Variants in CTNND2 observed in about 807,000 individuals in gnomAD.
The protein encoded by CTNND2 is catenin delta-2.
CTNND2 carries 22 observed loss-of-function variants against 144.4 expected under a neutral mutation model. The ratio of observed to expected loss-of-function variants is 0.15; its 90% confidence interval spans 0.11 to 0.22. The LOEUF is 0.22. Ranked by LOEUF, CTNND2 falls within the 10% of genes least tolerant of loss-of-function variation. The probability of loss-of-function intolerance (pLI) is 1.00; values close to 1 mark genes in which losing one functional copy is unlikely to be tolerated. For missense variants in CTNND2, 1,353 were observed against 1,618.8 expected (o/e 0.84, Z 2.82); for synonymous variants, 751 against 695.6 (o/e 1.08, Z -1.25).
chr5:11,600,102 C>T (rs1779705408), intron 2 of CTNND2, among the ~76,000 whole-genome samples: 1 of 152,164 alleles, frequency 6.6e-6, no homozygotes, highest in Non-Finnish European at 1.5e-5. Flanking sequence ...TTCCATTCCT[C>T]CATCTACCAT....
intron 3 of CTNND2, among the ~76,000 whole-genome samples, chr5:11,556,111 C>T (rs1776210910): frequency 6.6e-6 from 1 of 152,004 alleles, no homozygotes; most frequent in Non-Finnish European, 1.5e-5. Context: ...AACAATTACT[C>T]CCTAACTTTG....
At chr5:11,479,188 C>T (rs774399821) in intron 3 of CTNND2, among the ~76,000 whole-genome samples, 17 of 152,122 alleles carry the variant, frequency 1.1e-4, no homozygotes, top group Non-Finnish European at 2.4e-4. Context: ...CTGTTTTTTC[C>T]CCTCTTCGTG....
chr5:11,305,857 T>C (rs1379391862), intron 9 of CTNND2, among the ~76,000 whole-genome samples: 2 of 152,122 alleles, frequency 1.3e-5, no homozygotes, highest in Non-Finnish European at 2.9e-5. Context: ...CATGGGAGAA[T>C]GTCCTAGGCA....
intron 13 of CTNND2, among the ~76,000 whole-genome samples, chr5:11,115,382 T>C (rs562694672): frequency 2.0e-5 from 3 of 152,214 alleles, no homozygotes; most frequent in Non-Finnish European, 4.4e-5. Flanking sequence ...AAGGTCCAGC[T>C]AGTATCAAAG....
intron 9 of CTNND2, among the ~76,000 whole-genome samples, chr5:11,320,410 T>C (rs1403782167): frequency 6.6e-6 from 1 of 152,204 alleles, no homozygotes; most frequent in Non-Finnish European, 1.5e-5. Flanking sequence ...AAAAATCCTC[T>C]GTGGGTGAGA....
At chr5:11,119,435 G>A (rs745998177) in intron 12 of CTNND2, among the ~76,000 whole-genome samples, 6 of 152,146 alleles carry the variant, frequency 3.9e-5, no homozygotes, top group Non-Finnish European at 8.8e-5. Context: ...AATACTGACA[G>A]CATTTTTATG....
In CTNND2 at chr5:11,510,924, CTA is replaced by C. The variant is rs562598829; in HGVS notation, c.287+54018_287+54019del. Among the ~76,000 whole-genome samples the C allele has an allele frequency of 1.7e-3, 204 of 121,438 alleles. 2 individuals carry two copies. Among genetic ancestry groups the C allele is most frequent in the African/African-American group, 6.4e-3 (191 of 29,746 alleles). 79.7% of individuals were successfully genotyped at this position (121,438 alleles called of 152,430 possible). Reference sequence around the variant, plus strand: ...CTAGCCTGGGCAACAGAAAGAGACTCTATCTCAAAAAAAAAAAAAATGCATTT... The same window carrying C: ...CTAGCCTGGGCAACAGAAAGAGACTCTCTCAAAAAAAAAAAAAATGCATTT... On this transcript the variant is annotated intron_variant, in intron 3 of 21. Coordinates refer to ENST00000304623, the MANE Select transcript of CTNND2 (RefSeq NM_001332.4).
intron 16 of CTNND2, chr5:11,027,429 C>A (rs1172042081): frequency 1.3e-5 from 2 of 152,088 alleles, no homozygotes; most frequent in Non-Finnish European, 2.9e-5. Context: ...AGAAATGAAT[C>A]CTTGGGCCAT....
At chr5:11,748,489 A>G (rs1408393631) in intron 1 of CTNND2, among the ~76,000 whole-genome samples, 1 of 152,098 alleles carries the variant, frequency 6.6e-6, no homozygotes, top group Non-Finnish European at 1.5e-5. Flanking sequence ...AAATGGACAA[A>G]TAATTAGATA....
rs1330735445 is a variant in CTNND2, at chr5:11,309,017, A to G, written c.1628+37355T>C. Among the ~76,000 whole-genome samples, 3 of 152,228 alleles carry G rather than the reference A, an allele frequency of 2.0e-5. No homozygotes were observed. In the East Asian group the frequency reaches 5.8e-4, roughly 29 times the overall value. ...GTGAAAACTCACTCACTGTCATGAG[A>G]ACAGCAAGGGGGAAATCAAACTTCG... On this transcript the variant is annotated intron_variant, in intron 9 of 21. Transcript: ENST00000304623.
At chr5:11,312,235 CCACACTCA>C (rs1751048597) in intron 9 of CTNND2, among the ~76,000 whole-genome samples, 1 of 149,944 alleles carries the variant, frequency 6.7e-6, no homozygotes, top group African/African-American at 2.5e-5. Flanking sequence ...CAGCCTCACC[CCACACTCA>C]CACACACTCC....
intron 2 of CTNND2, among the ~76,000 whole-genome samples, chr5:11,655,387 T>C (rs953107652): frequency 1.3e-5 from 2 of 152,030 alleles, no homozygotes; most frequent in African/African-American, 4.8e-5. Flanking sequence ...ACCACCCCCA[T>C]TCTGCAAAAC....
chr5:11,707,873 A>G (rs562058951), intron 2 of CTNND2, among the ~76,000 whole-genome samples: 3 of 152,148 alleles, frequency 2.0e-5, no homozygotes, highest in African/African-American at 7.2e-5. Flanking sequence ...ACTCTAATTA[A>G]TCTCTTGGAG....
chr5:11,705,434 A>G (rs1785648291), intron 2 of CTNND2, among the ~76,000 whole-genome samples: 1 of 152,250 alleles, frequency 6.6e-6, no homozygotes, highest in Middle Eastern at 3.2e-3. Context: ...AATAAACTGC[A>G]AAACAGTATA....
chr5:11,035,967 C>T (rs1479999370), intron 16 of CTNND2, among the ~76,000 whole-genome samples: 1 of 151,996 alleles, frequency 6.6e-6, no homozygotes, highest in African/African-American at 2.4e-5. Flanking sequence ...GCAAATGTTA[C>T]ATGAGTAGGG....
intron 3 of CTNND2, among the ~76,000 whole-genome samples, chr5:11,494,409 C>A (rs537729441): frequency 6.6e-6 from 1 of 152,050 alleles, no homozygotes; most frequent in Non-Finnish European, 1.5e-5. Context: ...AGAGTGATTT[C>A]TCATCTGTAA....
At chr5:11,755,806 T>C (rs1788902028) in intron 1 of CTNND2, among the ~76,000 whole-genome samples, 2 of 151,732 alleles carry the variant, frequency 1.3e-5, no homozygotes, top group African/African-American at 4.8e-5. Flanking sequence ...TTTCTTAAAA[T>C]GGCTATTTCA....
At chr5:11,239,451 C>T (rs1214697061) in intron 9 of CTNND2, among the ~76,000 whole-genome samples, 1 of 152,222 alleles carries the variant, frequency 6.6e-6, no homozygotes, top group East Asian at 1.9e-4. Flanking sequence ...CTTCCCTCCC[C>T]ACTTCTGTTC....
chr5:11,009,024 T>C (rs773503043), intron 18 of CTNND2, among the ~76,000 whole-genome samples: 83 of 152,244 alleles, frequency 5.5e-4, no homozygotes, highest in Non-Finnish European at 7.8e-4. Flanking sequence ...CCTAATTTTA[T>C]ATTCATAAAG....
Sources: allele counts gnomAD v4.1 joint callset (sites outside exome capture counted in the v4.1 genomes callset), GRCh38; gene constraint gnomAD v4.1.1; transcripts MANE v1.5; gene names NCBI Gene and HGNC (gene_info 2026-07-23, HGNC 2026-07-21).